The following TJP1 variants were observed in gnomAD, a reference collection of about 807,000 sequenced individuals.
TJP1 encodes the protein tight junction protein ZO-1.
Under a neutral mutation model 194.2 loss-of-function variants are expected in TJP1, and 43 were observed. The observed-to-expected ratio is 0.22, with a 90% CI of 0.17 to 0.29. TJP1 has a LOEUF of 0.29. TJP1 is among the 10% of genes least tolerant of loss of function. The pLI is 1.00. For missense variants in TJP1, 1,971 were observed against 2,185.7 expected, an observed-to-expected ratio of 0.90 and a Z score of 1.96; for synonymous variants, 801 against 779.0, an observed-to-expected ratio of 1.03 and a Z score of -0.47.
intron 2 of TJP1, among the ~76,000 whole-genome samples, chr15:29,921,825 T>C (rs888584672): frequency 6.6e-6 from 1 of 151,176 alleles, no homozygotes; most frequent in Non-Finnish European, 1.5e-5. Context: ...CATTATCCCA[T>C]TTTTTTTCTT....
intron 2 of TJP1, among the ~76,000 whole-genome samples, chr15:29,937,623 C>T (rs779761263): frequency 1.3e-5 from 2 of 152,144 alleles, no homozygotes; most frequent in Non-Finnish European, 2.9e-5. Flanking sequence ...AAGTATCCAA[C>T]CTAAAGCAGA....
intron 15 of TJP1, chr15:29,728,774 C>T (rs2043404971): frequency 6.6e-6 from 1 of 152,168 alleles, no homozygotes; most frequent in Admixed American, 6.5e-5. Flanking sequence ...AGACAAGTCA[C>T]ACTGAGGTTC....
chr15:29,905,665 G>A (rs1414224069), intron 2 of TJP1, among the ~76,000 whole-genome samples: 1 of 152,186 alleles, frequency 6.6e-6, no homozygotes, highest in Non-Finnish European at 1.5e-5. Context: ...ATTTACCGCA[G>A]TTTAGAATAT....
chr15:29,808,413 T>C (rs189961354), intron 1 of TJP1, among the ~76,000 whole-genome samples: 1 of 152,180 alleles, frequency 6.6e-6, no homozygotes, highest in African/African-American at 2.4e-5. Flanking sequence ...TGATCTGAGT[T>C]GTGGGCAAAT....
chr15:29,806,077 C>G (rs2049092875), intron 1 of TJP1, among the ~76,000 whole-genome samples: 1 of 152,010 alleles, frequency 6.6e-6, no homozygotes, highest in South Asian at 2.1e-4. Flanking sequence ...GAATTTTCGA[C>G]GATCAAATGA....
intron 2 of TJP1, among the ~76,000 whole-genome samples, chr15:29,916,668 C>T (rs541100679): frequency 6.6e-6 from 1 of 152,226 alleles, no homozygotes; most frequent in South Asian, 2.1e-4. Context: ...TACAACCTGA[C>T]CTACTTGTTC....
intron 15 of TJP1, chr15:29,730,622 A>C: frequency 1.6e-6 from 1 of 606,064 alleles, no homozygotes. Flanking sequence ...GAGCAGTGTG[A>C]AGAAGAGGCG....
Position 29,888,582 on chromosome 15 carries a change from T to G in TJP1, c.306+67650A>C, listed in dbSNP as rs562265054. Among the ~76,000 whole-genome samples the G allele has an allele frequency of 1.5e-4, 23 of 152,364 alleles. No homozygotes were observed. In the South Asian group the frequency reaches 3.5e-3, roughly 23 times the overall value. ...GTATATTAAAGAGTCCTTCTCATAT[T>G]TAAAGCTATGAGGCATTTAAATACA... is the stretch of plus-strand genomic sequence containing the variant. On this transcript the variant is annotated intron_variant, in intron 2 of 28. Coordinates refer to the TJP1 transcript ENST00000356107.
chr15:29,704,448 G>C (rs573198559), intron 26 of TJP1, 143 bp from the exon 27 acceptor site: 2 of 905,472 alleles, frequency 2.2e-6, no homozygotes, highest in East Asian at 2.8e-5. Context: ...ACAAAAAAAC[G>C]TAACAGCAGC....
Position 29,948,266 on chromosome 15 carries a change from A to C in TJP1, c.306+7966T>G, listed in dbSNP as rs569886697. Among the ~76,000 whole-genome samples, 1,344 of 152,094 alleles carry C rather than the reference A, an allele frequency of 8.8e-3. 26 individuals carry two copies. Among genetic ancestry groups the C allele is most frequent in the African/African-American group, 0.031 (1,273 of 41,500 alleles). ...ACAGAGCAACACTCCATCACAAAAAAAAAAAAAAAAAGACAATCATTCAAT... is the reference window on the plus strand; with the variant it reads ...ACAGAGCAACACTCCATCACAAAAACAAAAAAAAAAAGACAATCATTCAAT... On this transcript the variant is annotated intron_variant, in intron 2 of 28. Transcript: ENST00000356107.
At chr15:29,887,097 A>G (rs1041779271) in intron 2 of TJP1, among the ~76,000 whole-genome samples, 4 of 151,978 alleles carry the variant, frequency 2.6e-5, no homozygotes, top group African/African-American at 4.8e-5. Context: ...GATGCCACAA[A>G]TCCATCAAAT....
At chr15:29,782,858 T>C (rs1180675561) in intron 2 of TJP1, among the ~76,000 whole-genome samples, 4 of 126,108 alleles carry the variant, frequency 3.2e-5, no homozygotes, top group Non-Finnish European at 6.6e-5. Context: ...ACAACCCCCA[T>C]TAGAAAGTGG....
At chr15:29,754,152 A>C (rs1039599846) in intron 8 of TJP1, among the ~76,000 whole-genome samples, 6 of 152,248 alleles carry the variant, frequency 3.9e-5, no homozygotes, top group African/African-American at 1.4e-4. Flanking sequence ...GACAGAGTGG[A>C]TAAAGAAAAT....
intron 1 of TJP1, among the ~76,000 whole-genome samples, chr15:29,811,519 G>C (rs992624460): frequency 3.9e-5 from 6 of 152,138 alleles, no homozygotes; most frequent in Middle Eastern, 3.2e-3. Context: ...GCAAATCAAA[G>C]CTGAATAGAA....
chr15:29,903,755 A>G (rs1388313140), intron 2 of TJP1, among the ~76,000 whole-genome samples: 1 of 152,184 alleles, frequency 6.6e-6, no homozygotes, highest in African/African-American at 2.4e-5. Context: ...AAGTTGCAGA[A>G]TCTTAACAAA....
chr15:29,914,854 A>C (rs2054133147), intron 2 of TJP1, among the ~76,000 whole-genome samples: 1 of 138,218 alleles, frequency 7.2e-6, no homozygotes, highest in South Asian at 2.4e-4. Context: ...ACCCTGCAAC[A>C]CACACACATA....
At chr15:29,860,193 C>T (rs1195906004) in intron 2 of TJP1, among the ~76,000 whole-genome samples, 1 of 152,188 alleles carries the variant, frequency 6.6e-6, no homozygotes, top group African/African-American at 2.4e-5. Flanking sequence ...GACCACATCC[C>T]AAACTCTGAC....
chr15:29,849,820 C>G (rs1235142265), intron 2 of TJP1, among the ~76,000 whole-genome samples: 1 of 152,038 alleles, frequency 6.6e-6, no homozygotes, highest in Non-Finnish European at 1.5e-5. Context: ...AGTGATCCAC[C>G]TACCTCGGTC....
chr15:29,946,236 C>T (rs1022165816), intron 2 of TJP1, among the ~76,000 whole-genome samples: 2 of 152,162 alleles, frequency 1.3e-5, no homozygotes, highest in Non-Finnish European at 2.9e-5. Flanking sequence ...CAGTGGAATG[C>T]CAACTAATAA....
Sources: allele counts gnomAD v4.1 joint callset (sites outside exome capture counted in the v4.1 genomes callset), GRCh38; gene constraint gnomAD v4.1.1; transcripts MANE v1.5; gene names NCBI Gene and HGNC (gene_info 2026-07-23, HGNC 2026-07-21).